The following ADCK1 variants were observed in gnomAD, a reference collection of about 807,000 sequenced individuals.
ADCK1 encodes aarF domain containing kinase 1, also known as aarF domain-containing protein kinase 1.
Under a neutral mutation model 52.3 loss-of-function variants are expected in ADCK1, and 41 were observed. That is an observed-to-expected ratio of 0.78 (90% CI 0.61 to 1.02). The LOEUF (loss-of-function observed/expected upper bound fraction) is 1.02. Among genes scored for constraint, ADCK1 ranks in the 50% least tolerant of loss-of-function variants. ADCK1 has a pLI of 0.00. For missense variants in ADCK1, 658 were observed against 679.5 expected (o/e 0.97, Z 0.35); for synonymous variants, 250 against 274.6 (o/e 0.91, Z 0.89).
At chr14:77,816,677 T>C (rs1312958741) in intron 1 of ADCK1, among the ~76,000 whole-genome samples, 2 of 151,820 alleles carry the variant, frequency 1.3e-5, no homozygotes, top group African/African-American at 4.8e-5. Flanking sequence ...AACGTAAGTG[T>C]GTACCTGAGT....
chr14:77,808,375 G>A (rs2081272471), intron 1 of ADCK1, among the ~76,000 whole-genome samples: 1 of 152,110 alleles, frequency 6.6e-6, no homozygotes, highest in South Asian at 2.1e-4. Context: ...GTAGGCTGTA[G>A]GTAGCTGTCC....
intron 9 of ADCK1, among the ~76,000 whole-genome samples, chr14:77,930,249 G>C (rs2084296718): frequency 6.6e-6 from 1 of 152,216 alleles, no homozygotes; most frequent in African/African-American, 2.4e-5. Context: ...CTGAGAGGCA[G>C]TTCAAGACAT....
chr14:77,927,975 G>A (rs1305780911), intron 9 of ADCK1, among the ~76,000 whole-genome samples: 1 of 152,190 alleles, frequency 6.6e-6, no homozygotes, highest in African/African-American at 2.4e-5. Context: ...TCTCTCTCGA[G>A]TGGGGTGAGA....
In ADCK1 at chr14:77,815,928, G is replaced by T. The variant is rs147807598; in HGVS notation, c.-11-3040G>T. 7.7e-3 allele frequency among the ~76,000 whole-genome samples: 1,159 copies of T among 149,608 alleles called. 13 individuals carry two copies. The highest frequency in any genetic ancestry group is 0.028 in the African/African-American group (1,120 of 40,592). On this transcript the variant is annotated intron_variant, in intron 1 of 10. Transcript: ENST00000238561. ...CCTCCTGGGTTCAAGTGATTCTCATGTCTTAGCCTCCCAAGTAGCTGGGAC... is the reference window on the plus strand; with the variant it reads ...CCTCCTGGGTTCAAGTGATTCTCATTTCTTAGCCTCCCAAGTAGCTGGGAC...
intron 1 of ADCK1, among the ~76,000 whole-genome samples, chr14:77,810,655 C>T (rs1431421097): frequency 6.6e-6 from 1 of 151,884 alleles, no homozygotes; most frequent in African/African-American, 2.4e-5. Context: ...CTCAGCCTCC[C>T]GAGTAGCTGG....
At chr14:77,820,319 AT>A (rs2081552457) in intron 2 of ADCK1, among the ~76,000 whole-genome samples, 1 of 133,674 alleles carries the variant, frequency 7.5e-6, no homozygotes, top group African/African-American at 2.7e-5. Context: ...ATATATATAT[AT>A]GTATATTTTT....
intron 3 of ADCK1, among the ~76,000 whole-genome samples, chr14:77,824,455 A>G (rs1324038213): frequency 6.9e-5 from 9 of 130,760 alleles, no homozygotes; most frequent in Admixed American, 2.5e-4. Context: ...TTTTTTTGAG[A>G]TGGAGTCTTG....
At chr14:77,848,679 T>C (rs191783673) in intron 3 of ADCK1, among the ~76,000 whole-genome samples, 4 of 152,254 alleles carry the variant, frequency 2.6e-5, no homozygotes, top group African/African-American at 9.6e-5. Context: ...TTGGCCAGGA[T>C]GATCTCCAAC....
chr14:77,915,793 C>T (rs2083911046), intron 7 of ADCK1, among the ~76,000 whole-genome samples: 1 of 152,150 alleles, frequency 6.6e-6, no homozygotes, highest in African/African-American at 2.4e-5. Context: ...TGGAGTTGGC[C>T]TTCCTGGATT....
intron 6 of ADCK1, among the ~76,000 whole-genome samples, chr14:77,906,908 G>A (rs1461601051): frequency 1.3e-5 from 2 of 152,118 alleles, no homozygotes; most frequent in African/African-American, 2.4e-5. Flanking sequence ...GGCAAGGAAA[G>A]TATTTAGGTT....
intron 4 of ADCK1, among the ~76,000 whole-genome samples, chr14:77,860,528 C>T (rs367776773): frequency 3.3e-5 from 5 of 152,272 alleles, no homozygotes; most frequent in Non-Finnish European, 5.9e-5. Context: ...TGGCCTGGAG[C>T]GGGGGTTGGA....
intron 1 of ADCK1, among the ~76,000 whole-genome samples, chr14:77,801,206 A>T (rs1594831822): frequency 6.6e-6 from 1 of 152,338 alleles, no homozygotes; most frequent in East Asian, 1.9e-4. Context: ...TGATTCTGTA[A>T]GTCTGGTATG....
At chr14:77,928,413 T>C (rs1262299911) in intron 9 of ADCK1, among the ~76,000 whole-genome samples, 1 of 152,140 alleles carries the variant, frequency 6.6e-6, no homozygotes, top group Non-Finnish European at 1.5e-5. Flanking sequence ...TGGCATGTAC[T>C]AGGTTCTCAG....
intron 5 of ADCK1, among the ~76,000 whole-genome samples, chr14:77,889,882 G>A (rs1232891779): frequency 6.3e-5 from 4 of 63,204 alleles, no homozygotes; most frequent in African/African-American, 2.7e-4. Context: ...AAGGTATATA[G>A]AGTTAAAAAA....
intron 1 of ADCK1, among the ~76,000 whole-genome samples, chr14:77,816,427 G>GAACCAC (rs60377713): frequency 1.3e-5 from 2 of 151,578 alleles, no homozygotes; most frequent in South Asian, 4.2e-4. Flanking sequence ...CTTTCTGATT[G>GAACCAC]TGGATCTTAA....
intron 7 of ADCK1, among the ~76,000 whole-genome samples, chr14:77,915,196 T>TA (rs1205447974): frequency 1.3e-5 from 2 of 148,696 alleles, no homozygotes; most frequent in African/African-American, 4.9e-5. Flanking sequence ...TTTTTTTTTT[T>TA]TAATACTTTA....
At chr14:77,879,081 C>T (rs1265646146) in intron 4 of ADCK1, among the ~76,000 whole-genome samples, 1 of 152,176 alleles carries the variant, frequency 6.6e-6, no homozygotes, top group Non-Finnish European at 1.5e-5. Flanking sequence ...CTAGGAGGCT[C>T]CCTCAGCCAC....
intron 5 of ADCK1, among the ~76,000 whole-genome samples, chr14:77,894,788 T>G (rs896796129): frequency 1.5e-5 from 2 of 136,538 alleles, no homozygotes; most frequent in African/African-American, 5.5e-5. Flanking sequence ...CTCTATTTAT[T>G]GCCGCCCAGG....
intron 4 of ADCK1, among the ~76,000 whole-genome samples, chr14:77,862,018 G>A (rs528998353): frequency 1.3e-5 from 2 of 152,200 alleles, no homozygotes; most frequent in African/African-American, 4.8e-5. Context: ...AGGGAGGGCT[G>A]GTGACAAGCA....
Sources: allele counts gnomAD v4.1 joint callset (sites outside exome capture counted in the v4.1 genomes callset), GRCh38; gene constraint gnomAD v4.1.1; transcripts MANE v1.5; gene names NCBI Gene and HGNC (gene_info 2026-07-23, HGNC 2026-07-21).